Variants in STIL observed in about 807,000 individuals in gnomAD.
STIL encodes SCL-interrupting locus protein.
A neutral mutation model predicts 110.1 loss-of-function variants in STIL; 55 were observed. The observed-to-expected ratio is 0.50, with a 90% CI of 0.40 to 0.63. STIL has a LOEUF of 0.63. STIL is among the 20% of genes least tolerant of loss of function. STIL has a pLI of 0.00. For synonymous variants in STIL, 481 were observed against 530.0 expected (o/e 0.91, Z 1.27); for missense variants, 1,358 against 1,530.0 (o/e 0.89, Z 1.87).
At chr1:47,281,257 CTG>C (rs772679108) in intron 11 of STIL, 48 bp from the exon 12 acceptor site, 1 of 1,556,916 alleles carries the variant, frequency 6.4e-7, no homozygotes, top group South Asian at 1.2e-5. Flanking sequence ...TTTGGAGAAA[CTG>C]TATACTTTAC....
intron 14 of STIL, among the ~76,000 whole-genome samples, chr1:47,268,768 TA>T (rs1557719158): frequency 4.2e-4 from 63 of 149,722 alleles, no homozygotes; most frequent in Admixed American, 1.6e-3. Context: ...CATAAATAAA[TA>T]AATAAATAAA....
chr1:47,312,292 C>A (rs886924481), intron 1 of STIL, among the ~76,000 whole-genome samples: 2 of 151,970 alleles, frequency 1.3e-5, no homozygotes, highest in African/African-American at 4.8e-5. Flanking sequence ...AGATCGAGAC[C>A]ATCCTGGCTA....
chr1:47,281,220 G>C lies in STIL; in HGVS notation c.1249-11C>G. 6.2e-7 allele frequency: 1 copy of C among 1,602,374 alleles called. No individual in the cohort carries two copies. The highest frequency in any genetic ancestry group is 8.5e-7 in the Non-Finnish European group (1 of 1,175,928). On this transcript the variant is annotated splice_polypyrimidine_tract_variant and intron_variant, in intron 11 of 16. Coordinates refer to ENST00000371877, the MANE Select transcript of STIL (RefSeq NM_001048166.1). ...TTGGATCTTAGAAATCTACAAATAA[G>C]AAAGAAATAGAAAAAAAAAGTATTT...
At position 47,250,503 on chromosome 1, in the gene STIL, T is replaced by C. The variant is rs954047226; in HGVS notation, c.*633A>G. On this transcript the variant is annotated 3_prime_UTR_variant, in exon 17 of 17. Transcript: ENST00000371877. The stretch of plus-strand genomic sequence containing the variant: ...TAATGATATAGGATAAATGCAGAGA[T>C]GCAACATGCTGGAACTTCTTAAAAT... 6.1e-6 allele frequency: 1 copy of C among 163,260 alleles called. No homozygotes were observed. The highest frequency in any genetic ancestry group is 2.4e-5 in the African/African-American group (1 of 41,808). The allele number at this position is 163,260 out of a possible 1,614,324, so 10.1% of individuals were successfully genotyped here.
rs571591861 is a variant in STIL, at chr1:47,307,824, G to T, written c.44+2452C>A. Among the ~76,000 whole-genome samples the T allele has an allele frequency of 2.6e-4, 40 of 152,334 alleles. No individual in the cohort carries two copies. In the South Asian group the frequency reaches 8.3e-3, roughly 32 times the overall value. ...TTTTCTCAGCATGGAATGTCCCTGAGAAAGAAAATGCGCACCTAGGGGTAG... is the reference window on the plus strand; with the variant it reads ...TTTTCTCAGCATGGAATGTCCCTGATAAAGAAAATGCGCACCTAGGGGTAG... On this transcript the variant is annotated intron_variant, in intron 2 of 16. Transcript: ENST00000371877.
chr1:47,301,233 A>G (rs923126547), intron 5 of STIL, among the ~76,000 whole-genome samples: 6 of 152,076 alleles, frequency 3.9e-5, no homozygotes, highest in African/African-American at 1.4e-4. Context: ...AGGAGCCACC[A>G]TGCCCAGCCA....
intron 15 of STIL, among the ~76,000 whole-genome samples, chr1:47,262,134 A>G: frequency 6.6e-6 from 1 of 152,194 alleles, no homozygotes; most frequent in East Asian, 1.9e-4. Context: ...TTCCCTGAGC[A>G]TACAAGCTGC....
chr1:47,295,033 T>C (rs1645602771), intron 7 of STIL, among the ~76,000 whole-genome samples: 1 of 152,126 alleles, frequency 6.6e-6, no homozygotes, highest in Admixed American at 6.5e-5. Context: ...GTGATTCTCC[T>C]GCCTCAGCCT....
chr1:47,274,836 G>A (rs932280039), intron 12 of STIL, among the ~76,000 whole-genome samples: 6 of 151,834 alleles, frequency 4.0e-5, no homozygotes, highest in Admixed American at 6.6e-5. Flanking sequence ...GCAAACATAT[G>A]ATACTTTCAT....
At chr1:47,300,546 A>C (rs1461939782) in intron 5 of STIL, among the ~76,000 whole-genome samples, 1 of 151,418 alleles carries the variant, frequency 6.6e-6, no homozygotes, top group Non-Finnish European at 1.5e-5. Context: ...TCAGCTCACC[A>C]CAAACTCCAC....
At chr1:47,287,692 G>T in intron 9 of STIL, 32 bp from the exon 10 acceptor site, 1 of 1,524,312 alleles carries the variant, frequency 6.6e-7, no homozygotes, top group Non-Finnish European at 9.1e-7. Context: ...TTTGAGATCT[G>T]ACTTAAATAA....
Position 47,259,435 on chromosome 1 carries a change from C to T in STIL, c.3080+854G>A, listed in dbSNP as rs1159884368. 2.6e-5 allele frequency among the ~76,000 whole-genome samples: 4 copies of T among 151,186 alleles called. 1 individual carries two copies. Among genetic ancestry groups the T allele is most frequent in the African/African-American group, 7.3e-5 (3 of 41,036 alleles). On this transcript the variant is annotated intron_variant, in intron 16 of 16. Transcript: ENST00000371877. Reference sequence around the variant, plus strand: ...CCTCCCAAGTAGCTGAGATTACAGGCGCCCGCCACCGCACCCATCTAATTT... The same window carrying T: ...CCTCCCAAGTAGCTGAGATTACAGGTGCCCGCCACCGCACCCATCTAATTT...
At chr1:47,269,503 C>T in intron 14 of STIL, 132 bp downstream of exon 14, 1 of 679,070 alleles carries the variant, frequency 1.5e-6, no homozygotes, top group Non-Finnish European at 2.5e-6. Flanking sequence ...ATTTGTTGGT[C>T]TGATTTAATC....
chr1:47,314,585 AAGTT>A (rs1646233701), upstream of STIL, among the ~76,000 whole-genome samples: 1 of 152,300 alleles, frequency 6.6e-6, no homozygotes, highest in African/African-American at 2.4e-5. Context: ...AAAGACAAGA[AAGTT>A]AGAGTTATTC....
intron 12 of STIL, among the ~76,000 whole-genome samples, chr1:47,279,067 G>A (rs1267636573): frequency 6.6e-6 from 1 of 152,130 alleles, no homozygotes; most frequent in Middle Eastern, 3.2e-3. Context: ...GGAGGCCGAG[G>A]TGGGAGGATC....
chr1:47,269,301 A>G (rs1011611437), intron 14 of STIL, among the ~76,000 whole-genome samples: 4 of 152,178 alleles, frequency 2.6e-5, no homozygotes, highest in African/African-American at 9.7e-5. Flanking sequence ...TAAAGACATA[A>G]AAGAAAATAC....
intron 16 of STIL, 130 bp from the exon 17 acceptor site, chr1:47,252,052 TCA>T (rs1644199888): frequency 1.1e-5 from 10 of 927,354 alleles, no homozygotes; most frequent in South Asian, 1.8e-5. Context: ...ATCTAACTAC[TCA>T]GACATCTAAG....
intron 10 of STIL, among the ~76,000 whole-genome samples, 167 bp downstream of exon 10, chr1:47,287,384 C>A (rs1273064461): frequency 6.6e-6 from 1 of 152,064 alleles, no homozygotes; most frequent in African/African-American, 2.4e-5. Flanking sequence ...AAATTACTAT[C>A]CAACTTCCTA....
At chr1:47,294,979 T>C (rs1645600812) in intron 7 of STIL, among the ~76,000 whole-genome samples, 1 of 152,118 alleles carries the variant, frequency 6.6e-6, no homozygotes, top group South Asian at 2.1e-4. Flanking sequence ...TGGAGTGCAA[T>C]GGCGCAATCT....
Sources: allele counts gnomAD v4.1 joint callset (sites outside exome capture counted in the v4.1 genomes callset), GRCh38; gene constraint gnomAD v4.1.1; transcripts MANE v1.5; gene names NCBI Gene and HGNC (gene_info 2026-07-23, HGNC 2026-07-21).